MAPK1IP1L: variants seen among roughly 807,000 people sequenced by gnomAD.
The protein encoded by MAPK1IP1L is MAPK-interacting and spindle-stabilizing protein-like.
MAPK1IP1L carries 10 observed loss-of-function variants against 18.1 expected under a neutral mutation model. That is an observed-to-expected ratio of 0.55 (90% CI 0.34 to 0.94). MAPK1IP1L has a LOEUF of 0.94. MAPK1IP1L is among the 40% of genes least tolerant of loss of function. MAPK1IP1L has a pLI of 0.02. For missense variants in MAPK1IP1L, 260 were observed against 318.2 expected, an observed-to-expected ratio of 0.82 and a Z score of 1.39; for synonymous variants, 115 against 117.3, an observed-to-expected ratio of 0.98 and a Z score of 0.13.
chr14:55,063,162 C>T lies in MAPK1IP1L; in HGVS notation c.563C>T (p.Pro188Leu), dbSNP rs1347574233. 1 of 1,614,012 alleles carries T rather than the reference C, an allele frequency of 6.2e-7. No individual in the cohort carries two copies. The highest frequency in any genetic ancestry group is 1.7e-5 in the Admixed American group (1 of 60,006). Reference sequence around the variant, plus strand: ...CCCCAAGCCCCTGGGGCAGCACCACCTGTTCCATGGGGCACCGTTCCACCA... The same window carrying T: ...CCCCAAGCCCCTGGGGCAGCACCACTTGTTCCATGGGGCACCGTTCCACCA... Reference protein sequence around the residue: ...PPPQAPGAAPPVPWGTVPPGA... With the variant: ...PPPQAPGAAPLVPWGTVPPGA... Residue 188 changes from proline (P) to leucine (L), a missense_variant, in exon 3 of 4, where the codon CCT becomes CTT. Coordinates refer to ENST00000395468, the MANE Select transcript of MAPK1IP1L (RefSeq NM_144578.4).
intron 1 of MAPK1IP1L, among the ~76,000 whole-genome samples, chr14:55,054,605 T>C (rs2042756624): frequency 6.6e-6 from 1 of 152,244 alleles, no homozygotes; most frequent in Admixed American, 6.5e-5. Context: ...GCAGGAATTA[T>C]AACTTCTACA....
Position 55,062,912 on chromosome 14 carries a change from C to G in MAPK1IP1L, c.313C>G (p.Pro105Ala). ...CPPPGGPYPA[P>A]TVPGPGPTGP... ...CCCACCTGGTGGTCCTTATCCAGCC[C>G]CAACTGTGCCGGGCCCTGGCCCCAC... The change falls in exon 3 of 4, where the codon CCA becomes GCA. Residue 105 changes from proline (P) to alanine (A), a missense_variant. By Grantham distance (27) the Pro-to-Ala change is conservative. Coordinates refer to ENST00000395468, the MANE Select transcript of MAPK1IP1L (RefSeq NM_144578.4). 1 of 1,614,122 alleles carries G rather than the reference C, an allele frequency of 6.2e-7. No homozygotes were observed. Among genetic ancestry groups the G allele is most frequent in the Non-Finnish European group, 8.5e-7 (1 of 1,180,004 alleles).
At position 55,064,348 on chromosome 14, in the gene MAPK1IP1L, TGATTA is replaced by T. The variant is rs780138501; in HGVS notation, c.727-261_727-257del. ...GTACGAAAATAACTAGCCAGATCTC[TGATTA>T]GATTAGTCAAACATCCAATCCAGCT... On this transcript the variant is annotated intron_variant, in intron 3 of 3. Transcript: ENST00000395468. Among the ~76,000 whole-genome samples, 3 of 152,142 alleles carry T rather than the reference TGATTA, an allele frequency of 2.0e-5. No homozygotes were observed. In the East Asian group the frequency reaches 5.8e-4, roughly 29 times the overall value.
At chr14:55,058,571 C>T (rs575983623) in intron 1 of MAPK1IP1L, among the ~76,000 whole-genome samples, 1 of 152,294 alleles carries the variant, frequency 6.6e-6, no homozygotes, top group Non-Finnish European at 1.5e-5. Flanking sequence ...TGGCTCATGC[C>T]TGTAATCCCA....
chr14:55,053,191 C>A (rs1419787791), intron 1 of MAPK1IP1L, among the ~76,000 whole-genome samples: 1 of 152,184 alleles, frequency 6.6e-6, no homozygotes, highest in Non-Finnish European at 1.5e-5. Context: ...ATATTCCAGG[C>A]AGCGACTAAG....
Position 55,063,111 on chromosome 14 carries a change from C to A in MAPK1IP1L, c.512C>A (p.Pro171Gln). Residue 171 changes from proline to glutamine, a missense_variant, in exon 3 of 4, where the codon CCA becomes CAA. Coordinates refer to ENST00000395468, the MANE Select transcript of MAPK1IP1L (RefSeq NM_144578.4). ...YPTPNMPYPSPGPYPAPPPPQ... is the reference protein window; with the variant it reads ...YPTPNMPYPSQGPYPAPPPPQ... The stretch of plus-strand genomic sequence containing the variant: ...ACCCCTAATATGCCATATCCATCTC[C>A]AGGCCCATATCCCGCTCCTCCTCCT... 6.2e-7 allele frequency: 1 copy of A among 1,613,534 alleles called. No individual in the cohort carries two copies. Among genetic ancestry groups the A allele is most frequent in the Non-Finnish European group, 8.5e-7 (1 of 1,180,032 alleles).
At chr14:55,060,056 G>A (rs905000065) in intron 1 of MAPK1IP1L, among the ~76,000 whole-genome samples, 4 of 149,610 alleles carry the variant, frequency 2.7e-5, no homozygotes, top group African/African-American at 9.8e-5. Flanking sequence ...GCCACGTATA[G>A]GAAAACATTG....
At chr14:55,056,702 G>C (rs2042774566) in intron 1 of MAPK1IP1L, among the ~76,000 whole-genome samples, 1 of 152,164 alleles carries the variant, frequency 6.6e-6, no homozygotes, top group African/African-American at 2.4e-5. Flanking sequence ...GTAGAGACGG[G>C]GTTTCACCTT....
In MAPK1IP1L at chr14:55,068,307, T is replaced by C. The variant is rs2042880882; in HGVS notation, c.*3680T>C. Reference sequence around the variant, plus strand: ...GATATTTTCTAAAAAACCAATCAATTTGCCCATGATTACCTCACAAATAAT... The same window carrying C: ...GATATTTTCTAAAAAACCAATCAATCTGCCCATGATTACCTCACAAATAAT... On this transcript the variant is annotated 3_prime_UTR_variant, in exon 4 of 4. Coordinates refer to ENST00000395468, the MANE Select transcript of MAPK1IP1L (RefSeq NM_144578.4). 1 of 152,622 alleles carries C rather than the reference T, an allele frequency of 6.6e-6. No individual in the cohort carries two copies. The highest frequency in any genetic ancestry group is 2.1e-4 in the South Asian group (1 of 4,834). 9.5% of individuals were successfully genotyped at this position (152,622 alleles called of 1,614,324 possible).
intron 1 of MAPK1IP1L, among the ~76,000 whole-genome samples, chr14:55,061,159 A>G (rs1309370011): frequency 6.6e-6 from 1 of 152,206 alleles, no homozygotes; most frequent in Non-Finnish European, 1.5e-5. Context: ...GTCTCCAAAA[A>G]AAAGACGAGG....
Position 55,066,981 on chromosome 14 carries a change from T to G in MAPK1IP1L, c.*2354T>G, listed in dbSNP as rs895072484. 1 of 151,360 alleles carries G rather than the reference T, an allele frequency of 6.6e-6. No individual in the cohort carries two copies. Among genetic ancestry groups the G allele is most frequent in the Non-Finnish European group, 1.5e-5 (1 of 67,940 alleles). 9.4% of individuals were successfully genotyped at this position (151,360 alleles called of 1,614,324 possible). A position where few individuals can be genotyped will look rare whatever the true frequency, so the allele number is the denominator to read the frequency against. ...GGTGCTATCTTGGTTCACTGCAAGC[T>G]CCATCTCCCAGGTTCACACCATTCT... On this transcript the variant is annotated 3_prime_UTR_variant, in exon 4 of 4. Transcript: ENST00000395468.
chr14:55,055,053 T>C (rs2042760619), intron 1 of MAPK1IP1L, among the ~76,000 whole-genome samples: 1 of 152,226 alleles, frequency 6.6e-6, no homozygotes, highest in Non-Finnish European at 1.5e-5. Context: ...TATAAATTGT[T>C]TTTATGAGTT....
rs1477759417 is a variant in MAPK1IP1L at position 55,062,808 on chromosome 14, G to A, written c.209G>A (p.Gly70Glu). ...GTGCCTTTTGGACCAGCACCAACAG[G>A]AATGTATCCCTCCGTGCCTCCCACC... The part of the protein sequence containing the change: ...STVPFGPAPT[G>E]MYPSVPPTGP... The change falls in exon 3 of 4, where the codon GGA becomes GAA. Residue 70 changes from glycine to glutamate, a missense_variant. Transcript: ENST00000395468. 1.2e-6 allele frequency: 2 copies of A among 1,613,984 alleles called. No individual in the cohort carries two copies. The highest frequency in any genetic ancestry group is 2.7e-5 in the African/African-American group (2 of 74,880).
chr14:55,062,559 A>C, intron 2 of MAPK1IP1L, 59 bp from the exon 3 acceptor site: 1 of 1,365,432 alleles, frequency 7.3e-7, no homozygotes, highest in Non-Finnish European at 1.0e-6. Flanking sequence ...GTGGGTTTAT[A>C]ATGGTGTTCG....
chr14:55,060,204 C>T (rs749774748), intron 1 of MAPK1IP1L, among the ~76,000 whole-genome samples: 2 of 117,592 alleles, frequency 1.7e-5, no homozygotes, highest in Non-Finnish European at 3.2e-5. Flanking sequence ...TGGAGTAGCC[C>T]TCCGTTGCCC....
chr14:55,063,104 C>T lies in MAPK1IP1L; in HGVS notation c.505C>T (p.Pro169Ser), dbSNP rs774019837. The T allele has an allele frequency of 8.7e-6, 14 of 1,613,326 alleles. No homozygotes were observed. Among genetic ancestry groups the T allele is most frequent in the Non-Finnish European group, 1.2e-5 (14 of 1,180,016 alleles). Residue 169 changes from proline (P) to serine (S), a missense_variant, in exon 3 of 4, where the codon CCA becomes TCA. Transcript: ENST00000395468. ...GTATCCTACCCCTAATATGCCATAT[C>T]CATCTCCAGGCCCATATCCCGCTCC... Reference protein sequence around the residue: ...GQYPTPNMPYPSPGPYPAPPP... With the variant: ...GQYPTPNMPYSSPGPYPAPPP...
intron 1 of MAPK1IP1L, among the ~76,000 whole-genome samples, chr14:55,056,143 A>G (rs1453971674): frequency 2.0e-5 from 3 of 152,292 alleles, no homozygotes; most frequent in South Asian, 4.1e-4. Flanking sequence ...TTTTTTAATC[A>G]CAAGATTCTA....
rs1266658026 is a variant in MAPK1IP1L at position 55,069,117 on chromosome 14, T to A, written c.*4490T>A. On this transcript the variant is annotated 3_prime_UTR_variant, in exon 4 of 4. Coordinates refer to ENST00000395468, the MANE Select transcript of MAPK1IP1L (RefSeq NM_144578.4). ...ATAGTTTGCCTCTTCACTTTACCCC[T>A]GGATAAAGGCACTTTCACTGCCTGT... The A allele has an allele frequency of 6.6e-6, 1 of 152,306 alleles. No homozygotes were observed. 9.4% of individuals were successfully genotyped at this position (152,306 alleles called of 1,614,324 possible). A position where few individuals can be genotyped will look rare whatever the true frequency, so the allele number is the denominator to read the frequency against.
rs1350719258 is a variant in MAPK1IP1L, at chr14:55,065,379, TTA to T, written c.*754_*755del. On this transcript the variant is annotated 3_prime_UTR_variant, in exon 4 of 4. Transcript: ENST00000395468. The stretch of plus-strand genomic sequence containing the variant: ...TCTCTTTGTACTACTTGAGATTTGA[TTA>T]TGAGATGTGCATATTGCTTTGGGAA... 4 of 152,224 alleles carry T rather than the reference TTA, an allele frequency of 2.6e-5. No individual in the cohort carries two copies. Among genetic ancestry groups the T allele is most frequent in the African/African-American group, 9.6e-5 (4 of 41,452 alleles). 9.4% of individuals were successfully genotyped at this position (152,224 alleles called of 1,614,324 possible).
Sources: gnomAD v4.1 joint callset for allele counts (sites outside exome capture counted in the v4.1 genomes callset) on GRCh38, gnomAD v4.1.1 for gene constraint, MANE v1.5 for transcripts, NCBI Gene and HGNC (gene_info 2026-07-23, HGNC 2026-07-21) for gene names.